CERS6: variants seen among roughly 807,000 people sequenced by gnomAD.
The protein encoded by CERS6 is ceramide synthase 6.
CERS6 carries 26 observed loss-of-function variants against 56.8 expected under a neutral mutation model. The observed-to-expected ratio is 0.46, with a 90% CI of 0.34 to 0.63. The LOEUF is 0.63. Ranked by LOEUF, CERS6 falls within the 30% of genes least tolerant of loss-of-function variation. CERS6 has a pLI of 0.01. For missense variants in CERS6, 415 were observed against 467.5 expected (o/e 0.89, Z 1.04); for synonymous variants, 164 against 173.3 (o/e 0.95, Z 0.42).
intron 1 of CERS6, among the ~76,000 whole-genome samples, chr2:168,472,751 TTTAAAAGATAAACAGATTAAGGA>T: frequency 6.6e-6 from 1 of 152,196 alleles, no homozygotes; most frequent in Non-Finnish European, 1.5e-5. Context: ...TCTTTTTCTT[TTTAAAAGATAAACAGATTAAGGA>T]TGTTAAATAG....
intron 1 of CERS6, among the ~76,000 whole-genome samples, chr2:168,523,317 A>T (rs1329878705): frequency 6.6e-6 from 1 of 152,192 alleles, no homozygotes; most frequent in Non-Finnish European, 1.5e-5. Context: ...ATCAGGGAAG[A>T]AGATTTTTTT....
intron 1 of CERS6, among the ~76,000 whole-genome samples, chr2:168,513,550 T>G (rs910660533): frequency 1.3e-5 from 2 of 152,178 alleles, no homozygotes; most frequent in African/African-American, 4.8e-5. Flanking sequence ...ATGACTGGAC[T>G]CAGATCATGG....
At chr2:168,751,092 C>G (rs3843327) in intron 8 of CERS6, among the ~76,000 whole-genome samples, 110,776 of 152,078 alleles carry the variant, frequency 0.73, 40,932 homozygotes, top group African/African-American at 0.83. Context: ...ATAGCAGTGA[C>G]TTTGATCAAA....
At chr2:168,636,889 T>C (rs75756906) in intron 4 of CERS6, among the ~76,000 whole-genome samples, 2,629 of 152,302 alleles carry the variant, frequency 0.017, 104 homozygotes, top group East Asian at 0.16. Context: ...TGAGGCCCTG[T>C]AGAGGCCGTC....
At chr2:168,519,475 G>C (rs1467891460) in intron 1 of CERS6, among the ~76,000 whole-genome samples, 3 of 152,224 alleles carry the variant, frequency 2.0e-5, no homozygotes, top group East Asian at 3.9e-4. Context: ...TGTCACCCAA[G>C]TAATGAACAT....
intron 1 of CERS6, among the ~76,000 whole-genome samples, chr2:168,470,375 G>A (rs1245987193): frequency 1.3e-5 from 2 of 152,086 alleles, no homozygotes; most frequent in South Asian, 4.2e-4. Context: ...CGCCCTAAGG[G>A]TGACTTAGAG....
intron 4 of CERS6, among the ~76,000 whole-genome samples, chr2:168,645,236 AT>A (rs928563341): frequency 7.1e-6 from 1 of 141,534 alleles, no homozygotes; most frequent in African/African-American, 2.6e-5. Context: ...TTTTTAAAAG[AT>A]TTATTCTGTT....
At chr2:168,471,776 T>C (rs1210328321) in intron 1 of CERS6, among the ~76,000 whole-genome samples, 2 of 152,220 alleles carry the variant, frequency 1.3e-5, no homozygotes, top group African/African-American at 4.8e-5. Context: ...TGCGCTTAGC[T>C]GCTAGAAACT....
chr2:168,552,994 T>C (rs1169628882), intron 2 of CERS6, among the ~76,000 whole-genome samples: 3 of 151,890 alleles, frequency 2.0e-5, no homozygotes, highest in African/African-American at 4.8e-5. Flanking sequence ...TGAAGGAAGA[T>C]CACAGAGGAA....
At chr2:168,488,716 A>C (rs748827246) in intron 1 of CERS6, among the ~76,000 whole-genome samples, 2 of 152,066 alleles carry the variant, frequency 1.3e-5, no homozygotes, top group Non-Finnish European at 2.9e-5. Flanking sequence ...TCTTTAAAAA[A>C]ATTTTTTTTT....
In CERS6 at chr2:168,645,136, TATATATAGAGAGAGAGAGAGAGAG is replaced by T. The variant is rs1685156495; in HGVS notation, c.465+14096_465+14119del. Among the ~76,000 whole-genome samples, 4 of 35,492 alleles carry T rather than the reference TATATATAGAGAGAGAGAGAGAGAG, an allele frequency of 1.1e-4. 1 individual carries two copies. Among genetic ancestry groups the T allele is most frequent in the African/African-American group, 2.8e-4 (2 of 7,214 alleles). 23.3% of individuals were successfully genotyped at this position (35,492 alleles called of 152,430 possible). ...AAAAAAATATATATATATATATATA[TATATATAGAGAGAGAGAGAGAGAG>T]AGAGAGAGAGAGAGAGAGAGAGAGA... On this transcript the variant is annotated intron_variant, in intron 4 of 9. Coordinates refer to ENST00000305747, the MANE Select transcript of CERS6 (RefSeq NM_203463.3).
intron 4 of CERS6, among the ~76,000 whole-genome samples, chr2:168,638,314 A>G (rs1030981975): frequency 1.3e-5 from 2 of 152,150 alleles, no homozygotes; most frequent in Non-Finnish European, 2.9e-5. Context: ...ATTTTCTGCA[A>G]TGTAACTAGC....
chr2:168,661,796 C>G (rs1490809162), intron 4 of CERS6, among the ~76,000 whole-genome samples: 1 of 152,202 alleles, frequency 6.6e-6, no homozygotes, highest in African/African-American at 2.4e-5. Flanking sequence ...GGCTCCCGGG[C>G]TCCCCACTGG....
intron 1 of CERS6, among the ~76,000 whole-genome samples, chr2:168,546,042 G>A (rs191445532): frequency 2.0e-5 from 3 of 152,160 alleles, no homozygotes; most frequent in South Asian, 4.1e-4. Context: ...CCGCTCTGTT[G>A]TACCTTATGA....
At chr2:168,463,385 T>C in intron 1 of CERS6, among the ~76,000 whole-genome samples, 1 of 152,220 alleles carries the variant, frequency 6.6e-6, no homozygotes, top group South Asian at 2.1e-4. Context: ...TATACCATAA[T>C]TTACTTAACC....
chr2:168,764,238 G>C (rs1684664392), intron 8 of CERS6, among the ~76,000 whole-genome samples: 1 of 151,982 alleles, frequency 6.6e-6, no homozygotes, highest in Admixed American at 6.6e-5. Context: ...CACCTCCCAG[G>C]TTCACACCAT....
In CERS6 at chr2:168,479,376, G is replaced by A. The variant is rs77369426; in HGVS notation, c.170+22758G>A. ...TTAAATATAGCAAGTAGATATGCAT[G>A]TGTGTGTGTATATATAATGTTTAAA... On this transcript the variant is annotated intron_variant, in intron 1 of 9. Coordinates refer to ENST00000305747, the MANE Select transcript of CERS6 (RefSeq NM_203463.3). Among the ~76,000 whole-genome samples the A allele has an allele frequency of 1.5e-3, 234 of 152,152 alleles. 1 individual carries two copies. Among genetic ancestry groups the A allele is most frequent in the African/African-American group, 5.4e-3 (226 of 41,510 alleles).
intron 9 of CERS6, chr2:168,766,377 T>C: frequency 6.3e-7 from 1 of 1,592,248 alleles, no homozygotes; most frequent in African/African-American, 1.3e-5. Flanking sequence ...TCTATCCCTG[T>C]CCTGAGTGCC....
At chr2:168,704,868 G>A (rs1210365630) in intron 6 of CERS6, among the ~76,000 whole-genome samples, 2 of 152,238 alleles carry the variant, frequency 1.3e-5, no homozygotes, top group East Asian at 1.9e-4. Flanking sequence ...AAAATGCTGA[G>A]ATTACAGGCG....
Sources: gnomAD v4.1 joint callset for allele counts (sites outside exome capture counted in the v4.1 genomes callset) on GRCh38, gnomAD v4.1.1 for gene constraint, MANE v1.5 for transcripts, NCBI Gene and HGNC (gene_info 2026-07-23, HGNC 2026-07-21) for gene names.